PBRM1: variants seen among roughly 807,000 people sequenced by gnomAD.
PBRM1 encodes protein polybromo-1.
PBRM1 carries 27 observed loss-of-function variants against 194.5 expected under a neutral mutation model. The observed-to-expected ratio is 0.14, with a 90% CI of 0.10 to 0.19. The LOEUF (loss-of-function observed/expected upper bound fraction) is 0.19. Ranked by LOEUF, PBRM1 falls within the 10% of genes least tolerant of loss-of-function variation. PBRM1 has a pLI of 1.00. For synonymous variants in PBRM1, 655 were observed against 693.2 expected (o/e 0.94, Z 0.87); for missense variants, 1,466 against 2,077.2 (o/e 0.71, Z 5.72).
At chr3:52,664,755 G>T (rs1022774165) in intron 3 of PBRM1, among the ~76,000 whole-genome samples, 1 of 150,766 alleles carries the variant, frequency 6.6e-6, no homozygotes, top group Non-Finnish European at 1.5e-5. Context: ...GAAAAAAAAA[G>T]GAAACACAGA....
At chr3:52,560,635 G>C (rs2083295271) in intron 25 of PBRM1, 2 of 152,204 alleles carry the variant, frequency 1.3e-5, no homozygotes, top group South Asian at 2.1e-4. Flanking sequence ...CCTTGGGCCT[G>C]ACAACACACA....
chr3:52,613,776 G>C (rs1334444469), intron 15 of PBRM1, among the ~76,000 whole-genome samples: 1 of 152,012 alleles, frequency 6.6e-6, no homozygotes, highest in African/African-American at 2.4e-5. Flanking sequence ...GGTCGCTTGA[G>C]CCCAGGAGTT....
At chr3:52,594,859 T>C (rs896070233) in intron 17 of PBRM1, among the ~76,000 whole-genome samples, 1 of 152,242 alleles carries the variant, frequency 6.6e-6, no homozygotes, top group African/African-American at 2.4e-5. Flanking sequence ...AAATTACTGG[T>C]TGGAATTTCT....
downstream of PBRM1, chr3:52,546,357 G>A (rs140333240): frequency 4.6e-4 from 107 of 230,750 alleles, 3 homozygotes; most frequent in East Asian, 6.6e-3. Context: ...TTAACAATAA[G>A]GTACTGACAC....
At chr3:52,592,283 C>T (rs964833029) in intron 17 of PBRM1, among the ~76,000 whole-genome samples, 16 of 151,908 alleles carry the variant, frequency 1.1e-4, no homozygotes, top group African/African-American at 3.1e-4. Context: ...AGGTGCGTGC[C>T]ACCACACCTG....
intron 3 of PBRM1, among the ~76,000 whole-genome samples, chr3:52,663,104 T>C (rs2096760603): frequency 6.6e-6 from 1 of 152,090 alleles, no homozygotes; most frequent in Non-Finnish European, 1.5e-5. Flanking sequence ...AATGCATACA[T>C]GGGATGCCAA....
chr3:52,683,619 G>T (rs1470256787), upstream of PBRM1, among the ~76,000 whole-genome samples: 1 of 151,784 alleles, frequency 6.6e-6, no homozygotes, highest in Non-Finnish European at 1.5e-5. Context: ...TTCAAGACCA[G>T]CCTGGCCAAC....
upstream of PBRM1, chr3:52,679,783 T>C: frequency 7.3e-7 from 1 of 1,378,738 alleles, no homozygotes; most frequent in African/African-American, 1.4e-5. Flanking sequence ...CACCAAGTCT[T>C]CAGCTGGACA....
chr3:52,619,962 T>C (rs2095193473), intron 13 of PBRM1, among the ~76,000 whole-genome samples: 1 of 152,238 alleles, frequency 6.6e-6, no homozygotes, highest in South Asian at 2.1e-4. Flanking sequence ...TTCCTGCTCA[T>C]TGTGGACCTC....
At chr3:52,552,381 T>C (rs2081190900) in intron 27 of PBRM1, among the ~76,000 whole-genome samples, 1 of 152,216 alleles carries the variant, frequency 6.6e-6, no homozygotes, top group Non-Finnish European at 1.5e-5. Flanking sequence ...CCTACTCCTC[T>C]AAGCCTGCTC....
At chr3:52,615,758 T>C (rs1363185707) in intron 14 of PBRM1, among the ~76,000 whole-genome samples, 3 of 152,222 alleles carry the variant, frequency 2.0e-5, no homozygotes, top group Non-Finnish European at 2.9e-5. Context: ...TTTACATGTG[T>C]TGTTTTCTTC....
At chr3:52,640,096 T>C (rs2096011650) in intron 10 of PBRM1, among the ~76,000 whole-genome samples, 2 of 152,144 alleles carry the variant, frequency 1.3e-5, no homozygotes, top group Admixed American at 1.3e-4. Flanking sequence ...GCTGATGAAA[T>C]TAACCTTCTA....
chr3:52,674,479 C>CAAA (rs34865590), intron 2 of PBRM1, among the ~76,000 whole-genome samples: 6 of 61,342 alleles, frequency 9.8e-5, no homozygotes, highest in South Asian at 4.7e-4. Context: ...AACTCCATCT[C>CAAA]AAAAAAAAAA....
Position 52,636,757 on chromosome 3 carries a change from C to CAAAAAAAAAAAAAAAAAAAAAAAAAAAAA in PBRM1, c.1088-1971_1088-1943dup. 1.6e-3 allele frequency among the ~76,000 whole-genome samples: 30 copies of CAAAAAAAAAAAAAAAAAAAAAAAAAAAAA among 18,682 alleles called. 2 individuals carry two copies. Among genetic ancestry groups the CAAAAAAAAAAAAAAAAAAAAAAAAAAAAA allele is most frequent in the Admixed American group, 3.5e-3 (4 of 1,150 alleles). The allele number at this position is 18,682 out of a possible 152,430, so 12.3% of individuals were successfully genotyped here. A position where few individuals can be genotyped will look rare whatever the true frequency, so the allele number is the denominator to read the frequency against. On this transcript the variant is annotated intron_variant, in intron 10 of 29. Coordinates refer to ENST00000296302, the Ensembl canonical transcript of PBRM1. ...GGGCAAAAGAGTGAAACTCTGTCTC[C>CAAAAAAAAAAAAAAAAAAAAAAAAAAAAA]AAAAAAAAAAAAAAAAAAAAAAAAA...
chr3:52,652,294 G>C (rs2096517883), intron 5 of PBRM1, among the ~76,000 whole-genome samples: 1 of 151,702 alleles, frequency 6.6e-6, no homozygotes, highest in Non-Finnish European at 1.5e-5. Context: ...TGAGGCAAGA[G>C]GATCGCTTGA....
chr3:52,581,647 T>C (rs1443904150), intron 20 of PBRM1, among the ~76,000 whole-genome samples: 2 of 151,932 alleles, frequency 1.3e-5, no homozygotes, highest in Admixed American at 6.6e-5. Context: ...AGTAATTCTT[T>C]TTTTTTTTTG....
intron 17 of PBRM1, among the ~76,000 whole-genome samples, chr3:52,598,509 C>G (rs957199418): frequency 2.6e-5 from 4 of 152,216 alleles, no homozygotes; most frequent in African/African-American, 9.7e-5. Flanking sequence ...ATTTACATAG[C>G]ATGAATAAGG....
At chr3:52,662,799 C>A (rs1181018295) in intron 3 of PBRM1, among the ~76,000 whole-genome samples, 11 of 149,760 alleles carry the variant, frequency 7.3e-5, no homozygotes, top group Non-Finnish European at 3.0e-5. Context: ...GCACTCCAGC[C>A]TGGTGACAGA....
chr3:52,635,830 T>G (rs1275874061), intron 10 of PBRM1, among the ~76,000 whole-genome samples: 6 of 152,122 alleles, frequency 3.9e-5, no homozygotes, highest in African/African-American at 1.2e-4. Context: ...TAAGATAGTA[T>G]AAATTTAGAT....
Sources: gnomAD v4.1 joint callset for allele counts (sites outside exome capture counted in the v4.1 genomes callset) on GRCh38, gnomAD v4.1.1 for gene constraint, MANE v1.5 for transcripts, NCBI Gene and HGNC (gene_info 2026-07-23, HGNC 2026-07-21) for gene names.